The following GALNT13 variants were observed in gnomAD, a reference collection of about 807,000 sequenced individuals.
The protein encoded by GALNT13 is UDP-GalNAc:polypeptide N-acetylgalactosaminyltransferase 13.
Under a neutral mutation model 64.2 loss-of-function variants are expected in GALNT13, and 28 were observed. That is an observed-to-expected ratio of 0.44 (90% CI 0.32 to 0.60). The LOEUF is 0.60. Ranked by LOEUF, GALNT13 falls within the 20% of genes least tolerant of loss-of-function variation. The pLI, the probability that GALNT13 is intolerant of heterozygous loss-of-function variation, is 0.05. For synonymous variants in GALNT13, 214 were observed against 224.6 expected (o/e 0.95, Z 0.42); for missense variants, 577 against 669.8 (o/e 0.86, Z 1.53).
chr2:153,924,463 A>T (rs749044127), intron 2 of GALNT13, among the ~76,000 whole-genome samples: 29 of 152,092 alleles, frequency 1.9e-4, no homozygotes, highest in Non-Finnish European at 3.5e-4. Flanking sequence ...TCTATTGTTG[A>T]TAGACATTTA....
At chr2:153,384,057 A>G in the GALNT13 span, among the ~76,000 whole-genome samples, 2 of 152,034 alleles carry the variant, frequency 1.3e-5, no homozygotes, top group South Asian at 2.1e-4. Context: ...GCAAAAACCC[A>G]TTTTCTATTC....
chr2:153,417,842 T>A, the GALNT13 span, among the ~76,000 whole-genome samples: 1 of 152,110 alleles, frequency 6.6e-6, no homozygotes, highest in African/African-American at 2.4e-5. Flanking sequence ...CATCAGCATA[T>A]ACTTGGAACT....
chr2:153,841,284 A>C, the GALNT13 span, among the ~76,000 whole-genome samples: 6 of 152,254 alleles, frequency 3.9e-5, no homozygotes, highest in East Asian at 1.2e-3. Context: ...ACCTTTAAAA[A>C]TACATAGCTA....
chr2:154,400,834 C>G (rs183162782), intron 10 of GALNT13, among the ~76,000 whole-genome samples: 1 of 151,914 alleles, frequency 6.6e-6, no homozygotes, highest in Non-Finnish European at 1.5e-5. Flanking sequence ...TTAACATGCT[C>G]GGTTCTGATC....
chr2:153,115,910 C>T, the GALNT13 span, among the ~76,000 whole-genome samples: 1 of 152,140 alleles, frequency 6.6e-6, no homozygotes, highest in East Asian at 1.9e-4. Flanking sequence ...AGCATTCAGT[C>T]ATGATCAATT....
the GALNT13 span, among the ~76,000 whole-genome samples, chr2:153,237,805 A>G: frequency 6.6e-6 from 1 of 152,098 alleles, no homozygotes; most frequent in African/African-American, 2.4e-5. Context: ...GGGTGCAGGT[A>G]TCTCTTTGAT....
At chr2:153,423,395 C>T in the GALNT13 span, 5 of 151,914 alleles carry the variant, frequency 3.3e-5, no homozygotes, top group African/African-American at 1.2e-4. Flanking sequence ...CCAAATATTA[C>T]TTTAACCAAG....
intron 3 of GALNT13, among the ~76,000 whole-genome samples, chr2:154,056,069 T>C (rs1236451606): frequency 2.0e-5 from 3 of 152,156 alleles, no homozygotes; most frequent in Non-Finnish European, 4.4e-5. Context: ...AAAGCTTAGG[T>C]AAGAAAATGT....
chr2:153,342,668 C>T, the GALNT13 span, among the ~76,000 whole-genome samples: 2 of 152,138 alleles, frequency 1.3e-5, no homozygotes, highest in Admixed American at 1.3e-4. Context: ...ATTAAAGTTT[C>T]CAATTTTCTC....
the GALNT13 span, among the ~76,000 whole-genome samples, chr2:153,356,002 G>A: frequency 0.018 from 2,794 of 152,218 alleles, 95 homozygotes; most frequent in African/African-American, 0.063. Context: ...TTTAGCAGCC[G>A]GAAGGGGTCT....
chr2:153,273,136 A>G, the GALNT13 span, among the ~76,000 whole-genome samples: 5 of 152,152 alleles, frequency 3.3e-5, no homozygotes, highest in East Asian at 9.7e-4. Flanking sequence ...TCAGGGGGTG[A>G]GGGGCTAGGG....
At chr2:153,721,594 C>G in the GALNT13 span, among the ~76,000 whole-genome samples, 4 of 148,546 alleles carry the variant, frequency 2.7e-5, no homozygotes, top group African/African-American at 5.1e-5. Context: ...CACATAGGCT[C>G]AAAATAAAAG....
the GALNT13 span, among the ~76,000 whole-genome samples, chr2:153,302,522 C>G: frequency 6.6e-6 from 1 of 152,002 alleles, no homozygotes; most frequent in Admixed American, 6.5e-5. Flanking sequence ...AAGTTGTCGT[C>G]TCTTCAGTCT....
At chr2:153,346,728 A>G in the GALNT13 span, among the ~76,000 whole-genome samples, 4 of 152,092 alleles carry the variant, frequency 2.6e-5, no homozygotes, top group Non-Finnish European at 5.9e-5. Context: ...GTTCTTATTT[A>G]TTTCATAACT....
intron 4 of GALNT13, among the ~76,000 whole-genome samples, chr2:154,163,969 G>A (rs1001497405): frequency 6.6e-6 from 1 of 151,994 alleles, no homozygotes; most frequent in African/African-American, 2.4e-5. Context: ...CTAGCTGTAG[G>A]ATTTCATCTT....
intron 1 of GALNT13, among the ~76,000 whole-genome samples, chr2:153,883,192 T>C (rs1349612594): frequency 1.3e-5 from 2 of 150,946 alleles, no homozygotes; most frequent in Non-Finnish European, 3.0e-5. Flanking sequence ...TCTTGGAAAT[T>C]GAATATTTTC....
chr2:153,109,461 G>A, the GALNT13 span, among the ~76,000 whole-genome samples: 1 of 152,064 alleles, frequency 6.6e-6, no homozygotes, highest in African/African-American at 2.4e-5. Flanking sequence ...GAGTTCAATT[G>A]GTTCTATTAA....
At chr2:153,342,553 T>G in the GALNT13 span, among the ~76,000 whole-genome samples, 1 of 152,254 alleles carries the variant, frequency 6.6e-6, no homozygotes, top group East Asian at 1.9e-4. Flanking sequence ...AGGAGCTATT[T>G]GACTTTATCA....
At chr2:153,174,004 G>C in the GALNT13 span, among the ~76,000 whole-genome samples, 1 of 152,132 alleles carries the variant, frequency 6.6e-6, no homozygotes, top group Non-Finnish European at 1.5e-5. Flanking sequence ...TTAAAACTTA[G>C]CAGGGCAAAT....
Sources: allele counts gnomAD v4.1 joint callset (sites outside exome capture counted in the v4.1 genomes callset), GRCh38; gene constraint gnomAD v4.1.1; transcripts MANE v1.5; gene names NCBI Gene and HGNC (gene_info 2026-07-23, HGNC 2026-07-21).